Variants in HSPA12B observed in about 807,000 individuals in gnomAD.
HSPA12B encodes the protein heat shock 70 kDa protein 12B.
HSPA12B carries 54 observed loss-of-function variants against 69.3 expected under a neutral mutation model. That is an observed-to-expected ratio of 0.78 (90% CI 0.63 to 0.98). The LOEUF is 0.98. Among genes scored for constraint, HSPA12B ranks in the 50% least tolerant of loss-of-function variants. The pLI, the probability that HSPA12B is intolerant of heterozygous loss-of-function variation, is 0.00. For missense variants in HSPA12B, 929 were observed against 999.8 expected (o/e 0.93, Z 0.96); for synonymous variants, 441 against 436.5 (o/e 1.01, Z -0.13).
rs2088371503 is a variant in HSPA12B, at chr20:3,749,599, CAAGCACCTGA to C, written c.938-149_938-140del. 4.7e-6 allele frequency: 3 copies of C among 636,262 alleles called. No homozygotes were observed. The East Asian group carries it at 8.3e-5, about 18-fold the overall frequency. 39.4% of individuals were successfully genotyped at this position (636,262 alleles called of 1,614,324 possible). A position where few individuals can be genotyped will look rare whatever the true frequency, so the allele number is the denominator to read the frequency against. ...CGCCCATATGTGGTGGTCTGAGGTT[CAAGCACCTGA>C]AGCCCCTCACGTCCCTCCCCCGACC... On this transcript the variant is annotated intron_variant, in intron 9 of 12. Coordinates refer to ENST00000254963, the MANE Select transcript of HSPA12B (RefSeq NM_052970.5). This position sits in a 1 kb window ranked among gnomAD's most constrained non-coding sequence, Gnocchi z 5.5.
chr20:3,747,041 A>G (rs752772673), intron 7 of HSPA12B, among the ~76,000 whole-genome samples: 2 of 152,314 alleles, frequency 1.3e-5, no homozygotes, highest in Non-Finnish European at 2.9e-5. Context: ...AAATAGGACT[A>G]TGAAATAAAG....
Position 3,745,764 on chromosome 20 carries a change from A to G in HSPA12B, c.559-151A>G. The G allele has an allele frequency of 1.1e-6, 1 of 924,120 alleles. No individual in the cohort carries two copies. The highest frequency in any genetic ancestry group is 1.4e-5 in the South Asian group (1 of 71,862). The allele number at this position is 924,120 out of a possible 1,614,324, so 57.2% of individuals were successfully genotyped here. ...TCCCTTTTTGTCTGGTAGAGCCTGC[A>G]CCAAGCCATACTGATGGGAGGGGGG... On this transcript the variant is annotated intron_variant, in intron 6 of 12. Transcript: ENST00000254963. This position sits in a 1 kb window ranked among gnomAD's most constrained non-coding sequence, Gnocchi z 5.6.
Position 3,749,203 on chromosome 20 carries a change from C to T in HSPA12B, c.851-29C>T. 6.3e-7 allele frequency: 1 copy of T among 1,599,346 alleles called. No individual in the cohort carries two copies. The highest frequency in any genetic ancestry group is 8.5e-7 in the Non-Finnish European group (1 of 1,170,500). ...CATAGCTGGAGCACCTCCTTCTAAT[C>T]TCACTCCCTGCTGTCTCCTGACCCC... On this transcript the variant is annotated intron_variant, in intron 8 of 12. Coordinates refer to ENST00000254963, the MANE Select transcript of HSPA12B (RefSeq NM_052970.5). This position sits in a 1 kb window ranked among gnomAD's most constrained non-coding sequence, Gnocchi z 5.5.
chr20:3,741,184 AGCTG>A (rs552393397), intron 3 of HSPA12B, among the ~76,000 whole-genome samples: 1 of 152,214 alleles, frequency 6.6e-6, no homozygotes, highest in Admixed American at 6.5e-5. Context: ...CGGCCATTGA[AGCTG>A]GCCTGGCTGA....
At position 3,752,338 on chromosome 20, in the gene HSPA12B, AGAGACTGG is replaced by A; in HGVS notation, c.*173_*180del. 1.6e-6 allele frequency: 1 copy of A among 607,774 alleles called. No individual in the cohort carries two copies. The allele number at this position is 607,774 out of a possible 1,614,324, so 37.6% of individuals were successfully genotyped here. The stretch of plus-strand genomic sequence containing the variant: ...TGGGAGAGTGGGTGGGGACACACCC[AGAGACTGG>A]CTTTGGGATTGGGCACTGGTCCGCT... On this transcript the variant is annotated 3_prime_UTR_variant, in exon 13 of 13. Coordinates refer to ENST00000254963, the MANE Select transcript of HSPA12B (RefSeq NM_052970.5).
At chr20:3,739,766 C>G (rs2088167297) in intron 2 of HSPA12B, among the ~76,000 whole-genome samples, 1 of 152,182 alleles carries the variant, frequency 6.6e-6, no homozygotes. Flanking sequence ...ACCTGCCTGG[C>G]AGCACGTGAC....
chr20:3,749,355 C>T lies in HSPA12B; in HGVS notation c.937+37C>T, dbSNP rs369622417. 8.2e-5 allele frequency: 129 copies of T among 1,575,194 alleles called. No homozygotes were observed. Among genetic ancestry groups the T allele is most frequent in the Middle Eastern group, 1.7e-4 (1 of 5,992 alleles). On this transcript the variant is annotated intron_variant, in intron 9 of 12. Coordinates refer to ENST00000254963, the MANE Select transcript of HSPA12B (RefSeq NM_052970.5). This position sits in a 1 kb window ranked among gnomAD's most constrained non-coding sequence, Gnocchi z 5.5. ...GGGGGACGGAGTGTTATCCTTGGCC[C>T]CTACCGGGCACCATATACTGATGGG...
At position 3,749,268 on chromosome 20, in the gene HSPA12B, C is replaced by A. The variant is rs780667182; in HGVS notation, c.887C>A (p.Thr296Lys). 1 of 1,613,718 alleles carries A rather than the reference C, an allele frequency of 6.2e-7. No individual in the cohort carries two copies. Among genetic ancestry groups the A allele is most frequent in the East Asian group, 2.2e-5 (1 of 44,850 alleles). ...CTGCGAAGGTCCCGCCACAGCCGCA[C>A]GTTCCTGGTGGAGTCAGGCGTAGGA... is the stretch of plus-strand genomic sequence containing the variant. ...EQLRRSRHSR[T>K]FLVESGVGEL... Residue 296 changes from threonine to lysine, a missense_variant, in exon 9 of 13, where the codon ACG (threonine) becomes AAG (lysine). Thr to Lys is a moderately conservative substitution (Grantham distance 78). Coordinates refer to ENST00000254963, the MANE Select transcript of HSPA12B (RefSeq NM_052970.5). The surrounding 1 kb of genome is among the most constrained non-coding windows in gnomAD (Gnocchi z 5.5).
Position 3,744,923 on chromosome 20 carries a change from G to T in HSPA12B, c.288G>T (p.Pro96=). The T allele has an allele frequency of 6.2e-7, 1 of 1,613,154 alleles. No homozygotes were observed. The highest frequency in any genetic ancestry group is 8.5e-7 in the Non-Finnish European group (1 of 1,179,980). The change falls in exon 5 of 13, where the codon CCG becomes CCT. Residue 96 remains proline (P), a synonymous_variant. Transcript: ENST00000254963. This position sits in a 1 kb window ranked among gnomAD's most constrained non-coding sequence, Gnocchi z 4.9. ...HMMRKWEGGD[P]GVAHQKTPTC... Reference sequence around the variant, plus strand: ...GCAGGAAATGGGAGGGCGGAGACCCGGGCGTGGCCCACCAGAAGACCCCGA... The same window carrying T: ...GCAGGAAATGGGAGGGCGGAGACCCTGGCGTGGCCCACCAGAAGACCCCGA...
At chr20:3,736,700 T>C (rs539976145) in intron 1 of HSPA12B, among the ~76,000 whole-genome samples, 106 of 152,274 alleles carry the variant, frequency 7.0e-4, no homozygotes, top group Admixed American at 2.4e-3. Flanking sequence ...CTTCTCAAAC[T>C]TCAATGTGCA....
Position 3,745,240 on chromosome 20 carries a change from C to T in HSPA12B, c.453+152C>T, listed in dbSNP as rs758609587. The stretch of plus-strand genomic sequence containing the variant: ...GGGGCTAAAGGGAGACGTCGGACTC[C>T]GGTGTGGGCGGAGCTCAGAAATGAG... On this transcript the variant is annotated intron_variant, in intron 5 of 12. Coordinates refer to ENST00000254963, the MANE Select transcript of HSPA12B (RefSeq NM_052970.5). This position sits in a 1 kb window ranked among gnomAD's most constrained non-coding sequence, Gnocchi z 5.6. The T allele has an allele frequency of 4.4e-5, 29 of 663,392 alleles. No homozygotes were observed. The East Asian group carries it at 7.8e-4, about 18-fold the overall frequency. The allele number at this position is 663,392 out of a possible 1,614,324, so 41.1% of individuals were successfully genotyped here.
At chr20:3,738,591 T>A in intron 1 of HSPA12B, 67 bp from the exon 2 acceptor site, 1 of 1,440,078 alleles carries the variant, frequency 6.9e-7, no homozygotes, top group Non-Finnish European at 9.7e-7. Flanking sequence ...ATAAAATAAA[T>A]AAGCATTCAG....
At position 3,751,702 on chromosome 20, in the gene HSPA12B, G is replaced by A. The variant is rs1209097965; in HGVS notation, c.1597G>A (p.Val533Met). The A allele has an allele frequency of 1.3e-6, 2 of 1,483,368 alleles. No individual in the cohort carries two copies. The highest frequency in any genetic ancestry group is 1.8e-6 in the Non-Finnish European group (2 of 1,120,656). 91.9% of individuals were successfully genotyped at this position (1,483,368 alleles called of 1,614,324 possible). A position where few individuals can be genotyped will look rare whatever the true frequency, so the allele number is the denominator to read the frequency against. Residue 533 changes from valine (V) to methionine (M), a missense_variant, in exon 13 of 13, where the codon GTG becomes ATG. Around this residue, in one of 3 missense-constraint regions of HSPA12B, gnomAD observed 448 missense variants for 448.1 expected, o/e 1.00. Coordinates refer to ENST00000254963, the MANE Select transcript of HSPA12B (RefSeq NM_052970.5). ...GGTGCTGTTCGGCCAGGCGCCGGGC[G>A]TGGTGCGGGTCCGCCGCTCGCCGCT... ...GAVLFGQAPG[V>M]VRVRRSPLTY...
rs2088254867 is a variant in HSPA12B, at chr20:3,744,077, G to T, written c.267-825G>T. 6.6e-6 allele frequency among the ~76,000 whole-genome samples: 1 copy of T among 152,178 alleles called. No individual in the cohort carries two copies. Among genetic ancestry groups the T allele is most frequent in the Non-Finnish European group, 1.5e-5 (1 of 68,022 alleles). ...CCTCTGAATATGTCCTAGAGGGTCG[G>T]CAGGCAGTAGGTGAAGCTACAGGAG... On this transcript the variant is annotated intron_variant, in intron 4 of 12. Transcript: ENST00000254963. The surrounding 1 kb of genome is among the most constrained non-coding windows in gnomAD (Gnocchi z 4.9).
chr20:3,741,598 A>C (rs2088204258), intron 3 of HSPA12B, among the ~76,000 whole-genome samples: 1 of 152,220 alleles, frequency 6.6e-6, no homozygotes, highest in South Asian at 2.1e-4. Flanking sequence ...GCACCACTGC[A>C]TTTCAGCCTA....
Position 3,749,244 on chromosome 20 carries a change from T to TG in HSPA12B, c.864dup (p.Arg289AlafsTer128). 1 of 1,612,710 alleles carries TG rather than the reference T, an allele frequency of 6.2e-7. No homozygotes were observed. The highest frequency in any genetic ancestry group is 8.5e-7 in the Non-Finnish European group (1 of 1,179,538). On this transcript the variant is annotated frameshift_variant, in exon 9 of 13. Transcript: ENST00000254963. LOFTEE classifies it high-confidence loss of function. The surrounding 1 kb of genome is among the most constrained non-coding windows in gnomAD (Gnocchi z 5.5). The stretch of plus-strand genomic sequence containing the variant: ...TCCTGACCCCCAGCTCGGGAGCAGC[T>TG]GCGAAGGTCCCGCCACAGCCGCACG...
intron 8 of HSPA12B, 40 bp downstream of exon 8, chr20:3,748,431 C>G: frequency 6.8e-7 from 1 of 1,463,270 alleles, no homozygotes; most frequent in Non-Finnish European, 9.1e-7. Context: ...CCTGGAGGGT[C>G]AGAGGGTCAC....
Position 3,744,434 on chromosome 20 carries a change from G to A in HSPA12B, c.267-468G>A, listed in dbSNP as rs1385872620. On this transcript the variant is annotated intron_variant, in intron 4 of 12. Coordinates refer to ENST00000254963, the MANE Select transcript of HSPA12B (RefSeq NM_052970.5). The surrounding 1 kb of genome is among the most constrained non-coding windows in gnomAD (Gnocchi z 4.9). ...TGACAGTCACAGGAAATAACTGGGG[G>A]ACATTCCAGCCTCCTCCCAAGCTCT... Among the ~76,000 whole-genome samples the A allele has an allele frequency of 6.6e-6, 1 of 152,142 alleles. No homozygotes were observed. The highest frequency in any genetic ancestry group is 1.5e-5 in the Non-Finnish European group (1 of 68,022).
At chr20:3,739,548 C>A (rs569042574) in intron 2 of HSPA12B, among the ~76,000 whole-genome samples, 1 of 152,340 alleles carries the variant, frequency 6.6e-6, no homozygotes, top group African/African-American at 2.4e-5. Context: ...CGAGCCACAG[C>A]AACTTGGCCT....
Sources: gnomAD v4.1 joint callset for allele counts (sites outside exome capture counted in the v4.1 genomes callset) on GRCh38, gnomAD v4.1.1 for gene constraint, gnomAD v4.1.1 regional missense constraint, Gnocchi (gnomAD v3.1) non-coding constraint, MANE v1.5 for transcripts, NCBI Gene and HGNC (gene_info 2026-07-23, HGNC 2026-07-21) for gene names.